TOX3: variants seen among roughly 807,000 people sequenced by gnomAD.
TOX3 encodes the protein TOX high mobility group box family member 3.
Under a neutral mutation model 64.3 loss-of-function variants are expected in TOX3, and 22 were observed. That is an observed-to-expected ratio of 0.34 (90% CI 0.24 to 0.49). The LOEUF (loss-of-function observed/expected upper bound fraction) is 0.49. TOX3 is among the 20% of genes least tolerant of loss of function. TOX3 has a pLI of 0.99. For missense variants in TOX3, 661 were observed against 714.4 expected, an observed-to-expected ratio of 0.93 and a Z score of 0.85; for synonymous variants, 291 against 273.6, an observed-to-expected ratio of 1.06 and a Z score of -0.63.
Position 52,439,591 on chromosome 16 carries a change from CTGT to C in TOX3, c.1362_1364del (p.Gln455del), listed in dbSNP as rs759914214. The C allele has an allele frequency of 4.0e-5, 63 of 1,594,810 alleles. 1 individual carries two copies. The East Asian group carries it at 8.8e-4, about 22-fold the overall frequency. Reference sequence around the variant, plus strand: ...GTTGCTGCTGCTGCATCTGTTGCATCTGTTGTTGTTGCTGCTGCTGCTGCTGCT... The same window carrying C: ...GTTGCTGCTGCTGCATCTGTTGCATCTGTTGTTGCTGCTGCTGCTGCTGCT... On this transcript the variant is annotated inframe_deletion, in exon 7 of 7. Transcript: ENST00000219746.
rs140641196 is a variant in TOX3 at position 52,500,697 on chromosome 16, A to G, written c.88-32123T>C. Among the ~76,000 whole-genome samples, 161 of 152,362 alleles carry G rather than the reference A, an allele frequency of 1.1e-3. 2 individuals carry two copies. Among genetic ancestry groups the G allele is most frequent in the African/African-American group, 3.7e-3 (152 of 41,590 alleles). ...CCATCTATATTCTAGGCATTATGCTAACCACTTCCCATTTATCGTCTTATT... is the reference window on the plus strand; with the variant it reads ...CCATCTATATTCTAGGCATTATGCTGACCACTTCCCATTTATCGTCTTATT... On this transcript the variant is annotated intron_variant, in intron 1 of 6. Coordinates refer to ENST00000219746, the MANE Select transcript of TOX3 (RefSeq NM_001080430.4).
intron 1 of TOX3, among the ~76,000 whole-genome samples, chr16:52,480,747 T>G (rs1961347658): frequency 6.6e-6 from 1 of 152,204 alleles, no homozygotes; most frequent in Non-Finnish European, 1.5e-5. Flanking sequence ...ATTCTTTGAT[T>G]TCTAAAGTAT....
chr16:52,449,571 AG>A (rs760871732), intron 4 of TOX3, among the ~76,000 whole-genome samples: 1 of 152,354 alleles, frequency 6.6e-6, no homozygotes, highest in East Asian at 1.9e-4. Context: ...TCATCCCCAA[AG>A]GGGAATCTCA....
chr16:52,499,302 A>G (rs962123053), intron 1 of TOX3, among the ~76,000 whole-genome samples: 1 of 152,208 alleles, frequency 6.6e-6, no homozygotes, highest in Non-Finnish European at 1.5e-5. Context: ...TCGAAACGAC[A>G]TGCAAAACCC....
In TOX3 at chr16:52,438,769, C is replaced by A; in HGVS notation, c.*456G>T. On this transcript the variant is annotated 3_prime_UTR_variant, in exon 7 of 7. Transcript: ENST00000219746. ...ACGTCATACAAATGTTTGTATGAAA[C>A]TGGATCTTCATATTTCAGGTAGTTA... 1 of 219,942 alleles carries A rather than the reference C, an allele frequency of 4.5e-6. No individual in the cohort carries two copies. Among genetic ancestry groups the A allele is most frequent in the Non-Finnish European group, 9.5e-6 (1 of 105,630 alleles). 13.6% of individuals were successfully genotyped at this position (219,942 alleles called of 1,614,324 possible). A position where few individuals can be genotyped will look rare whatever the true frequency, so the allele number is the denominator to read the frequency against.
chr16:52,523,992 T>A (rs1325929917), intron 1 of TOX3, among the ~76,000 whole-genome samples: 1 of 152,200 alleles, frequency 6.6e-6, no homozygotes, highest in Non-Finnish European at 1.5e-5. Context: ...AATTTAAGCA[T>A]GTGTTTTCTT....
chr16:52,542,019 C>G (rs2151491595), intron 1 of TOX3, among the ~76,000 whole-genome samples: 1 of 152,260 alleles, frequency 6.6e-6, no homozygotes, highest in African/African-American at 2.4e-5. Flanking sequence ...TAAACTAAGT[C>G]AACGGATCCA....
At chr16:52,496,112 CA>C (rs1251970194) in intron 1 of TOX3, among the ~76,000 whole-genome samples, 1 of 151,956 alleles carries the variant, frequency 6.6e-6, no homozygotes, top group Non-Finnish European at 1.5e-5. Context: ...TGTAAAATAC[CA>C]TATAATCAAG....
intron 1 of TOX3, among the ~76,000 whole-genome samples, chr16:52,474,872 T>C (rs190369542): frequency 1.9e-4 from 29 of 152,248 alleles, no homozygotes; most frequent in African/African-American, 6.7e-4. Flanking sequence ...CATTTCTTCT[T>C]ACCTTTTGGC....
chr16:52,517,869 A>C (rs531849467), intron 1 of TOX3, among the ~76,000 whole-genome samples: 57 of 152,336 alleles, frequency 3.7e-4, no homozygotes, highest in Non-Finnish European at 5.1e-4. Context: ...TGACCGAAAG[A>C]GACACAGATT....
At chr16:52,478,766 C>A (rs1184410731) in intron 1 of TOX3, among the ~76,000 whole-genome samples, 3 of 152,124 alleles carry the variant, frequency 2.0e-5, no homozygotes, top group Non-Finnish European at 2.9e-5. Context: ...CTTCTGTTTC[C>A]TCACTTCTAA....
At chr16:52,490,786 C>T (rs1961661065) in intron 1 of TOX3, among the ~76,000 whole-genome samples, 1 of 151,810 alleles carries the variant, frequency 6.6e-6, no homozygotes, top group Non-Finnish European at 1.5e-5. Context: ...CACACCATCA[C>T]ACCCAGCTAA....
intron 1 of TOX3, among the ~76,000 whole-genome samples, chr16:52,508,858 T>C (rs1374454245): frequency 6.6e-6 from 1 of 152,136 alleles, no homozygotes; most frequent in East Asian, 1.9e-4. Flanking sequence ...AGCTATATAT[T>C]ATGTATTATA....
chr16:52,506,539 T>C (rs1277539407), intron 1 of TOX3, among the ~76,000 whole-genome samples: 1 of 152,014 alleles, frequency 6.6e-6, no homozygotes, highest in Non-Finnish European at 1.5e-5. Context: ...GGCCCTTCTT[T>C]TAAAGAAGGG....
At chr16:52,440,287 C>A (rs977774351) in intron 6 of TOX3, among the ~76,000 whole-genome samples, 1 of 152,142 alleles carries the variant, frequency 6.6e-6, no homozygotes, top group Non-Finnish European at 1.5e-5. Flanking sequence ...GGCCCAATTA[C>A]CCCCCTCAAG....
chr16:52,480,895 T>A (rs886309881), intron 1 of TOX3, among the ~76,000 whole-genome samples: 1 of 145,158 alleles, frequency 6.9e-6, no homozygotes, highest in Non-Finnish European at 1.5e-5. Context: ...GGCAATTTTA[T>A]TCCTCAGGGG....
chr16:52,524,475 T>A (rs192525340), intron 1 of TOX3, among the ~76,000 whole-genome samples: 15 of 152,320 alleles, frequency 9.8e-5, no homozygotes, highest in Admixed American at 6.5e-4. Context: ...TGATTTCCAA[T>A]CACCACGGGT....
intron 1 of TOX3, among the ~76,000 whole-genome samples, chr16:52,531,691 G>A (rs1962854472): frequency 6.6e-6 from 1 of 152,172 alleles, no homozygotes; most frequent in Non-Finnish European, 1.5e-5. Flanking sequence ...AGAAATGAAT[G>A]TGGCAAATCT....
chr16:52,451,927 AG>A (rs1283784868), intron 3 of TOX3, among the ~76,000 whole-genome samples: 1 of 152,082 alleles, frequency 6.6e-6, no homozygotes, highest in African/African-American at 2.4e-5. Flanking sequence ...CTGCATATTG[AG>A]GGGGCTTGTC....
Sources: allele counts gnomAD v4.1 joint callset (sites outside exome capture counted in the v4.1 genomes callset), GRCh38; gene constraint gnomAD v4.1.1; transcripts MANE v1.5; gene names NCBI Gene and HGNC (gene_info 2026-07-23, HGNC 2026-07-21).